The following ZNF730 variants were observed in gnomAD, a reference collection of about 807,000 sequenced individuals.
ZNF730 encodes the protein zinc finger protein 730, also known as putative zinc finger protein 730.
Under a neutral mutation model 12.6 loss-of-function variants are expected in ZNF730, and 12 were observed. That is an observed-to-expected ratio of 0.95 (90% CI 0.61 to 1.54). ZNF730 has a LOEUF of 1.54. ZNF730 is among the 40% of genes most tolerant of loss of function. The pLI, the probability that ZNF730 is intolerant of heterozygous loss-of-function variation, is 0.00. For synonymous variants in ZNF730, 194 were observed against 195.8 expected, an observed-to-expected ratio of 0.99 and a Z score of 0.08; for missense variants, 643 against 583.5, an observed-to-expected ratio of 1.10 and a Z score of -1.05.
chr19:23,094,131 A>C (rs1423358193), intron 1 of ZNF730, among the ~76,000 whole-genome samples: 1 of 151,196 alleles, frequency 6.6e-6, no homozygotes, highest in Non-Finnish European at 1.5e-5. Flanking sequence ...GGCTCTGGGG[A>C]TCTTTCTGTT....
chr19:23,136,369 A>G (rs766856920), intron 3 of ZNF730, among the ~76,000 whole-genome samples: 1 of 152,158 alleles, frequency 6.6e-6, no homozygotes, highest in Non-Finnish European at 1.5e-5. Flanking sequence ...ATATTTGAAT[A>G]ATTTTGAGAA....
chr19:23,119,810 C>T (rs955066986), intron 1 of ZNF730, among the ~76,000 whole-genome samples: 57 of 151,866 alleles, frequency 3.8e-4, no homozygotes, highest in East Asian at 3.9e-4. Flanking sequence ...AATGAGACTC[C>T]GTCTCAAAAA....
At chr19:23,122,980 C>A (rs1970618540) in intron 1 of ZNF730, among the ~76,000 whole-genome samples, 1 of 152,120 alleles carries the variant, frequency 6.6e-6, no homozygotes, top group Admixed American at 6.6e-5. Context: ...ATTAGTTTGA[C>A]ATGCTTATTA....
chr19:23,079,795 C>A (rs1413217189), intron 1 of ZNF730, among the ~76,000 whole-genome samples: 1 of 152,056 alleles, frequency 6.6e-6, no homozygotes, highest in East Asian at 1.9e-4. Flanking sequence ...TCCTGAAGAA[C>A]CCCATTTTAC....
At chr19:23,133,597 C>G (rs1347939552) in intron 1 of ZNF730, among the ~76,000 whole-genome samples, 1 of 152,166 alleles carries the variant, frequency 6.6e-6, no homozygotes, top group Non-Finnish European at 1.5e-5. Flanking sequence ...CTGCCTCGGC[C>G]TCCCAAAGTG....
intron 1 of ZNF730, among the ~76,000 whole-genome samples, chr19:23,126,296 G>A (rs1476184295): frequency 6.6e-6 from 1 of 152,108 alleles, no homozygotes; most frequent in Admixed American, 6.5e-5. Flanking sequence ...AGTTATAGAG[G>A]CTACTTTAAA....
At chr19:23,103,193 A>T (rs978920025) in intron 1 of ZNF730, among the ~76,000 whole-genome samples, 2 of 152,236 alleles carry the variant, frequency 1.3e-5, no homozygotes, top group Admixed American at 6.5e-5. Flanking sequence ...GAATTTTTCT[A>T]TCTGAACCTG....
At chr19:23,117,745 A>C (rs1334958862) in intron 1 of ZNF730, among the ~76,000 whole-genome samples, 2 of 152,212 alleles carry the variant, frequency 1.3e-5, no homozygotes, top group Non-Finnish European at 2.9e-5. Context: ...GTACAGTTAC[A>C]TAGTTTCTAA....
At chr19:23,116,299 TTTTTCTTTTC>T (rs565630328), upstream of ZNF730, among the ~76,000 whole-genome samples, 73 of 149,190 alleles carry the variant, frequency 4.9e-4, no homozygotes, top group African/African-American at 1.7e-3. Flanking sequence ...GTTATTCTGC[TTTTTCTTTTC>T]TTTTCTTTTC....
At chr19:23,095,703 C>T (rs1025304628) in intron 1 of ZNF730, 16 of 358,890 alleles carry the variant, frequency 4.5e-5, no homozygotes, top group Non-Finnish European at 7.0e-5. Context: ...CTACAAGGTG[C>T]ATTGTGACAT....
At chr19:23,099,141 A>T (rs1414332229) in intron 1 of ZNF730, among the ~76,000 whole-genome samples, 1 of 152,226 alleles carries the variant, frequency 6.6e-6, no homozygotes. Context: ...GATGCAGTCC[A>T]TAGTTAAAAT....
chr19:23,077,849 T>A (rs1969892619), intron 1 of ZNF730, among the ~76,000 whole-genome samples: 1 of 152,180 alleles, frequency 6.6e-6, no homozygotes, highest in Admixed American at 6.5e-5. Flanking sequence ...TGCCTTGAGA[T>A]GCTATTAATC....
intron 1 of ZNF730, chr19:23,127,131 G>C (rs1970681260): frequency 2.0e-6 from 1 of 510,366 alleles, no homozygotes; most frequent in Non-Finnish European, 3.8e-6. Context: ...CCTTATCTCG[G>C]TTATGATATT....
At chr19:23,098,490 G>A (rs973566250) in intron 1 of ZNF730, 2 of 152,164 alleles carry the variant, frequency 1.3e-5, no homozygotes, top group African/African-American at 4.8e-5. Context: ...ACACCTAAAC[G>A]ATGGGAGGCC....
chr19:23,083,565 T>G (rs1970004523), intron 1 of ZNF730, among the ~76,000 whole-genome samples: 1 of 152,128 alleles, frequency 6.6e-6, no homozygotes, highest in South Asian at 2.1e-4. Flanking sequence ...GTGTATGTGT[T>G]TCCTCTTTAT....
Position 23,100,804 on chromosome 19 carries a change from C to T in ZNF730, c.-94+25417C>T, listed in dbSNP as rs369440415. Among the ~76,000 whole-genome samples, 138 of 151,898 alleles carry T rather than the reference C, an allele frequency of 9.1e-4. 1 individual carries two copies. Among genetic ancestry groups the T allele is most frequent in the African/African-American group, 3.2e-3 (133 of 41,408 alleles). On this transcript the variant is annotated intron_variant, in intron 1 of 2. Coordinates refer to the ZNF730 transcript ENST00000593635. ...CTGAGTAGCTGTGATTCCAGGCACC[C>T]GCCACCAAGCCCAGCTAATTTTTGT...
intron 1 of ZNF730, among the ~76,000 whole-genome samples, chr19:23,108,411 A>G (rs1191856852): frequency 6.6e-6 from 1 of 151,892 alleles, no homozygotes; most frequent in East Asian, 1.9e-4. Context: ...GGATGGATTC[A>G]CTGTGTGTGA....
At chr19:23,127,921 G>A (rs2145635335) in intron 1 of ZNF730, 1 of 683,372 alleles carries the variant, frequency 1.5e-6, no homozygotes, top group Non-Finnish European at 2.7e-6. Context: ...TGATGTGAAG[G>A]TTGGCCTAAC....
In ZNF730 at chr19:23,087,252, A is replaced by G. The variant is rs562112558; in HGVS notation, c.-94+11865A>G. ...GTGAAATCTTGTCTCTACTAAAATTACAAAAATTAGCCAGGCATGGTGGCG... is the reference window on the plus strand; with the variant it reads ...GTGAAATCTTGTCTCTACTAAAATTGCAAAAATTAGCCAGGCATGGTGGCG... On this transcript the variant is annotated intron_variant, in intron 1 of 2. Coordinates refer to the ZNF730 transcript ENST00000593635. 2.3e-4 allele frequency among the ~76,000 whole-genome samples: 35 copies of G among 152,212 alleles called. 1 individual carries two copies. The highest frequency in any genetic ancestry group is 1.8e-3 in the Admixed American group (27 of 15,286).
Sources: gnomAD v4.1 joint callset for allele counts (sites outside exome capture counted in the v4.1 genomes callset) on GRCh38, gnomAD v4.1.1 for gene constraint, MANE v1.5 for transcripts, NCBI Gene and HGNC (gene_info 2026-07-23, HGNC 2026-07-21) for gene names.